The following PRDM5 variants were observed in gnomAD, a reference collection of about 807,000 sequenced individuals.
The protein encoded by PRDM5 is PR/SET domain 5.
PRDM5 carries 56 observed loss-of-function variants against 81.2 expected under a neutral mutation model. That is an observed-to-expected ratio of 0.69 (90% CI 0.56 to 0.86). The LOEUF is 0.86. Ranked by LOEUF, PRDM5 falls within the 40% of genes least tolerant of loss-of-function variation. The probability of loss-of-function intolerance (pLI) is 0.00; values close to 1 mark genes in which losing one functional copy is unlikely to be tolerated. For synonymous variants in PRDM5, 267 were observed against 256.4 expected (o/e 1.04, Z -0.39); for missense variants, 697 against 770.1 (o/e 0.91, Z 1.12).
At chr4:120,768,727 A>G (rs1020592168) in intron 13 of PRDM5, among the ~76,000 whole-genome samples, 10 of 152,220 alleles carry the variant, frequency 6.6e-5, no homozygotes, top group African/African-American at 1.7e-4. Context: ...AATTTCCTCT[A>G]CGTTCTTTCT....
intron 15 of PRDM5, among the ~76,000 whole-genome samples, chr4:120,702,923 A>G (rs1452740666): frequency 6.6e-6 from 1 of 152,118 alleles, no homozygotes; most frequent in Non-Finnish European, 1.5e-5. Context: ...TTGGCTGCAA[A>G]GCCTCCAATT....
chr4:120,807,220 G>T (rs1392498235), intron 8 of PRDM5, among the ~76,000 whole-genome samples: 1 of 152,230 alleles, frequency 6.6e-6, no homozygotes, highest in Non-Finnish European at 1.5e-5. Context: ...GAGAGGATGT[G>T]GAGAAATAGG....
chr4:120,784,915 T>C, intron 11 of PRDM5, 83 bp downstream of exon 11: 11 of 1,095,396 alleles, frequency 1.0e-5, no homozygotes, highest in Non-Finnish European at 1.5e-5. Context: ...GGCACACCTC[T>C]GGGATGTCTA....
chr4:120,754,346 CTTTTTGAGGTT>C (rs1309066325), intron 14 of PRDM5, among the ~76,000 whole-genome samples, 196 bp downstream of exon 14: 1 of 151,800 alleles, frequency 6.6e-6, no homozygotes, highest in African/African-American at 2.4e-5. Flanking sequence ...GAATAAAAAC[CTTTTTGAGGTT>C]TCAATTTGTG....
intron 2 of PRDM5, chr4:120,896,015 C>T (rs1186900166): frequency 2.0e-5 from 3 of 151,756 alleles, no homozygotes; most frequent in African/African-American, 7.3e-5. Flanking sequence ...TGCTTTGTGG[C>T]AAGACACTGT....
chr4:120,779,106 T>C (rs540484183), intron 12 of PRDM5, among the ~76,000 whole-genome samples: 4 of 152,156 alleles, frequency 2.6e-5, no homozygotes, highest in Non-Finnish European at 2.9e-5. Flanking sequence ...ATGACTGCCA[T>C]TGGTTCCAAA....
intron 1 of PRDM5, among the ~76,000 whole-genome samples, chr4:120,911,242 C>T (rs1304369453): frequency 6.6e-6 from 1 of 152,192 alleles, no homozygotes; most frequent in African/African-American, 2.4e-5. Context: ...CAGATATATA[C>T]ATGATTTTTA....
At chr4:120,880,770 AATACATTTACATCTAC>A (rs1762767885) in intron 2 of PRDM5, among the ~76,000 whole-genome samples, 1 of 152,188 alleles carries the variant, frequency 6.6e-6, no homozygotes, top group Non-Finnish European at 1.5e-5. Flanking sequence ...ATTGTCCTTT[AATACATTTACATCTAC>A]ATTGACAAAG....
chr4:120,765,974 T>TC (rs1345166082), intron 13 of PRDM5, among the ~76,000 whole-genome samples: 4 of 151,666 alleles, frequency 2.6e-5, no homozygotes, highest in Non-Finnish European at 5.9e-5. Flanking sequence ...TTTTTTTTTT[T>TC]TTTTAGACAG....
At position 120,913,366 on chromosome 4, in the gene PRDM5, T is replaced by A. The variant is rs576198795; in HGVS notation, c.94-5809A>T. Among the ~76,000 whole-genome samples the A allele has an allele frequency of 4.6e-5, 7 of 152,348 alleles. No homozygotes were observed. The South Asian group carries it at 1.5e-3, about 32-fold the overall frequency. ...CACTGAACTAATGGCCACAAACATC[T>A]TGTTCCATCTGCCAGCTTCCTGTTA... On this transcript the variant is annotated intron_variant, in intron 1 of 15. Transcript: ENST00000264808.
intron 3 of PRDM5, among the ~76,000 whole-genome samples, chr4:120,847,642 T>C (rs930769035): frequency 2.0e-5 from 3 of 152,210 alleles, no homozygotes; most frequent in African/African-American, 7.2e-5. Flanking sequence ...TGCATGTTTG[T>C]TATTTTAAGC....
At chr4:120,790,644 G>T (rs115217779) in intron 10 of PRDM5, among the ~76,000 whole-genome samples, 1,654 of 152,184 alleles carry the variant, frequency 0.011, 17 homozygotes, top group African/African-American at 0.024. Context: ...AAAAAATCAC[G>T]TTCTATAAAT....
chr4:120,723,583 G>A (rs1282344587), intron 14 of PRDM5, among the ~76,000 whole-genome samples: 1 of 151,896 alleles, frequency 6.6e-6, no homozygotes, highest in Non-Finnish European at 1.5e-5. Context: ...AAAAATCAAT[G>A]CAAATTGTAA....
At chr4:120,918,362 C>T (rs755253935) in intron 1 of PRDM5, among the ~76,000 whole-genome samples, 3 of 152,100 alleles carry the variant, frequency 2.0e-5, no homozygotes, top group Non-Finnish European at 2.9e-5. Flanking sequence ...TGTAAGCAAA[C>T]ATTGGCTGGC....
At chr4:120,816,986 ATG>A in intron 5 of PRDM5, 62 bp from the exon 6 acceptor site, 1 of 1,243,364 alleles carries the variant, frequency 8.0e-7, no homozygotes, top group Non-Finnish European at 1.2e-6. Flanking sequence ...TAAGACAAAA[ATG>A]AAACTACACT....
chr4:120,726,818 G>C (rs1321561674), intron 14 of PRDM5, among the ~76,000 whole-genome samples: 1 of 152,192 alleles, frequency 6.6e-6, no homozygotes, highest in Non-Finnish European at 1.5e-5. Flanking sequence ...CTGGGGCTTT[G>C]AGCCTAGTAT....
At chr4:120,702,305 C>A (rs576337869) in intron 15 of PRDM5, among the ~76,000 whole-genome samples, 33 of 152,300 alleles carry the variant, frequency 2.2e-4, no homozygotes, top group African/African-American at 7.7e-4. Flanking sequence ...CCAAACTAAA[C>A]AGGCCTCCTC....
chr4:120,877,593 C>T (rs1197728355), intron 2 of PRDM5, among the ~76,000 whole-genome samples: 3 of 152,086 alleles, frequency 2.0e-5, no homozygotes, highest in Non-Finnish European at 1.5e-5. Flanking sequence ...TCATCTGAGG[C>T]CAGGAGTTCA....
chr4:120,748,424 A>T (rs1397768), intron 14 of PRDM5, among the ~76,000 whole-genome samples: 7,009 of 152,204 alleles, frequency 0.046, 318 homozygotes, highest in Middle Eastern at 0.15. Context: ...CCAAAAGATC[A>T]CCTAAGCCTA....
Sources: allele counts gnomAD v4.1 joint callset (sites outside exome capture counted in the v4.1 genomes callset), GRCh38; gene constraint gnomAD v4.1.1; transcripts MANE v1.5; gene names NCBI Gene and HGNC (gene_info 2026-07-23, HGNC 2026-07-21).